Variants in SLIT2 observed in about 807,000 individuals in gnomAD.
The protein encoded by SLIT2 is slit homolog 2 protein.
Under a neutral mutation model 185.7 loss-of-function variants are expected in SLIT2, and 41 were observed. The ratio of observed to expected loss-of-function variants is 0.22; its 90% CI spans 0.17 to 0.29. The LOEUF is 0.29. SLIT2 is among the 10% of genes least tolerant of loss of function. The pLI is 1.00. For missense variants in SLIT2, 1,571 were observed against 1,909.0 expected, an observed-to-expected ratio of 0.82 and a Z score of 3.30; for synonymous variants, 693 against 680.2, an observed-to-expected ratio of 1.02 and a Z score of -0.29.
chr4:20,524,916 T>C (rs1407126781), intron 14 of SLIT2, among the ~76,000 whole-genome samples: 1 of 152,180 alleles, frequency 6.6e-6, no homozygotes, highest in African/African-American at 2.4e-5. Context: ...TATTTCACAT[T>C]CGGCAGTTAA....
chr4:20,495,534 G>C (rs899217274), intron 9 of SLIT2, among the ~76,000 whole-genome samples: 4 of 152,142 alleles, frequency 2.6e-5, no homozygotes, highest in Admixed American at 2.0e-4. Flanking sequence ...TATTTCTTAT[G>C]ATCGTGATTT....
intron 4 of SLIT2, among the ~76,000 whole-genome samples, chr4:20,388,863 AATATAAT>A (rs905301545): frequency 1.4e-5 from 2 of 142,786 alleles, no homozygotes; most frequent in African/African-American, 5.2e-5. Context: ...TTATATATAA[AATATAAT>A]ATATAATATA....
At chr4:20,373,214 C>T (rs1018993986) in intron 4 of SLIT2, among the ~76,000 whole-genome samples, 12 of 152,000 alleles carry the variant, frequency 7.9e-5, no homozygotes, top group East Asian at 1.9e-4. Flanking sequence ...CTTATTCTGC[C>T]GCTATTATCA....
chr4:20,535,526 A>C (rs1010810068), intron 18 of SLIT2, among the ~76,000 whole-genome samples: 8 of 152,166 alleles, frequency 5.3e-5, no homozygotes, highest in African/African-American at 1.9e-4. Flanking sequence ...GGTAGGCTGT[A>C]ACTCCACCTG....
chr4:20,413,040 A>G (rs1193212261), intron 4 of SLIT2, among the ~76,000 whole-genome samples: 2 of 152,114 alleles, frequency 1.3e-5, no homozygotes, highest in African/African-American at 4.8e-5. Context: ...TTATATTGAA[A>G]CTGTAAATCA....
chr4:20,576,365 G>A lies in SLIT2; in HGVS notation c.3088+7361G>A, dbSNP rs996481734. ...TTTGTATGCTCACTTCGTATAGAAA[G>A]ATTTTATTTAGGGATAGGTCTTTGG... On this transcript the variant is annotated intron_variant, in intron 29 of 36. Transcript: ENST00000504154. Among the ~76,000 whole-genome samples the A allele has an allele frequency of 2.0e-5, 3 of 152,116 alleles. No individual in the cohort carries two copies. The East Asian group carries it at 5.8e-4, about 29-fold the overall frequency.
At chr4:20,469,292 T>C (rs999408707) in intron 5 of SLIT2, among the ~76,000 whole-genome samples, 2 of 152,172 alleles carry the variant, frequency 1.3e-5, no homozygotes, top group Non-Finnish European at 2.9e-5. Flanking sequence ...CTATTTGCAG[T>C]CTTACAGTAG....
At chr4:20,446,050 G>A (rs1353113480) in intron 4 of SLIT2, among the ~76,000 whole-genome samples, 1 of 152,130 alleles carries the variant, frequency 6.6e-6, no homozygotes, top group African/African-American at 2.4e-5. Context: ...TCCCATCTCT[G>A]TGCACAACAA....
chr4:20,502,365 A>G (rs1718819808), intron 9 of SLIT2, among the ~76,000 whole-genome samples: 2 of 152,220 alleles, frequency 1.3e-5, no homozygotes, highest in African/African-American at 2.4e-5. Context: ...TGGCGTTTTA[A>G]AAAAGTACTT....
chr4:20,596,517 T>C lies in SLIT2; in HGVS notation c.3423T>C (p.Asn1141=). ...QNGAQCIVRI[N]EPICQCLPGY... Reference sequence around the variant, plus strand: ...GAGCTCAGTGTATCGTCAGAATAAATGAGCCAATATGTCAGTGTTTGCCTG... The same window carrying C: ...GAGCTCAGTGTATCGTCAGAATAAACGAGCCAATATGTCAGTGTTTGCCTG... The change falls in exon 32 of 37, where the codon AAT becomes AAC. Residue 1141 remains asparagine, a synonymous_variant. Transcript: ENST00000504154. 6.2e-7 allele frequency: 1 copy of C among 1,614,086 alleles called. No homozygotes were observed. The highest frequency in any genetic ancestry group is 1.7e-5 in the Admixed American group (1 of 60,024).
chr4:20,388,935 TAC>T (rs1409514829), intron 4 of SLIT2, among the ~76,000 whole-genome samples: 1 of 145,776 alleles, frequency 6.9e-6, no homozygotes, highest in Non-Finnish European at 1.5e-5. Context: ...ATATAATATA[TAC>T]ACACATACAT....
chr4:20,412,325 A>T (rs1727322277), intron 4 of SLIT2, among the ~76,000 whole-genome samples: 1 of 152,194 alleles, frequency 6.6e-6, no homozygotes, highest in Non-Finnish European at 1.5e-5. Flanking sequence ...AATAAAATGC[A>T]ATATTTGCTA....
intron 9 of SLIT2, among the ~76,000 whole-genome samples, chr4:20,509,667 A>G (rs990705715): frequency 9.9e-5 from 15 of 152,166 alleles, no homozygotes; most frequent in Non-Finnish European, 2.9e-5. Flanking sequence ...GAGTGAAAGG[A>G]GGCTGAGAAG....
At chr4:20,405,792 A>T (rs1307282134) in intron 4 of SLIT2, among the ~76,000 whole-genome samples, 1 of 151,996 alleles carries the variant, frequency 6.6e-6, no homozygotes, top group African/African-American at 2.4e-5. Flanking sequence ...TGGTATTTTT[A>T]AATTAATTTA....
intron 4 of SLIT2, among the ~76,000 whole-genome samples, chr4:20,368,320 G>A (rs1723301031): frequency 1.4e-5 from 2 of 145,848 alleles, no homozygotes; most frequent in African/African-American, 5.0e-5. Flanking sequence ...GATGTAACAA[G>A]AAAGTATAAT....
intron 4 of SLIT2, among the ~76,000 whole-genome samples, chr4:20,288,366 A>T (rs1212981241): frequency 6.6e-6 from 1 of 152,190 alleles, no homozygotes; most frequent in Non-Finnish European, 1.5e-5. Flanking sequence ...TGAAGCACTT[A>T]CACTTAGTAA....
intron 4 of SLIT2, among the ~76,000 whole-genome samples, chr4:20,450,135 CTT>C (rs1712303399): frequency 6.6e-6 from 1 of 152,122 alleles, no homozygotes; most frequent in Admixed American, 6.5e-5. Flanking sequence ...AGTTGAATAA[CTT>C]TGAATCTTCA....
intron 4 of SLIT2, among the ~76,000 whole-genome samples, chr4:20,304,463 C>T (rs372815861): frequency 3.4e-4 from 51 of 152,114 alleles, no homozygotes; most frequent in African/African-American, 1.2e-3. Context: ...ATTTTCATGC[C>T]CTTGTGTAGT....
intron 4 of SLIT2, among the ~76,000 whole-genome samples, chr4:20,356,925 A>G (rs1722373443): frequency 6.6e-6 from 1 of 152,218 alleles, no homozygotes; most frequent in Admixed American, 6.5e-5. Context: ...TGTAGAAAAC[A>G]GAAAAATTAC....
Sources: gnomAD v4.1 joint callset for allele counts (sites outside exome capture counted in the v4.1 genomes callset) on GRCh38, gnomAD v4.1.1 for gene constraint, MANE v1.5 for transcripts, NCBI Gene and HGNC (gene_info 2026-07-23, HGNC 2026-07-21) for gene names.